GPC6: variants seen among roughly 807,000 people sequenced by gnomAD.
GPC6 encodes glypican 6, also known as glypican-6.
In GPC6, 14 loss-of-function variants were observed where a neutral mutation model predicts 55.2. The observed-to-expected ratio is 0.25, with a 90% CI of 0.17 to 0.40. The LOEUF is 0.40. Ranked by LOEUF, GPC6 falls within the 10% of genes least tolerant of loss-of-function variation. The probability of loss-of-function intolerance (pLI) is 1.00; values close to 1 mark genes in which losing one functional copy is unlikely to be tolerated. For synonymous variants in GPC6, 278 were observed against 259.6 expected, an observed-to-expected ratio of 1.07 and a Z score of -0.68; for missense variants, 641 against 708.5, an observed-to-expected ratio of 0.90 and a Z score of 1.08.
intron 1 of GPC6, among the ~76,000 whole-genome samples, chr13:93,354,700 C>T (rs551451105): frequency 6.6e-6 from 1 of 151,450 alleles, no homozygotes; most frequent in Non-Finnish European, 1.5e-5. Context: ...AAAATCCTAA[C>T]GTGTTATATG....
intron 4 of GPC6, among the ~76,000 whole-genome samples, chr13:94,099,460 T>C (rs1885776721): frequency 6.6e-6 from 1 of 152,140 alleles, no homozygotes; most frequent in Non-Finnish European, 1.5e-5. Flanking sequence ...AAGGTGTATA[T>C]AGGAGACTCT....
At chr13:93,277,211 C>T (rs9523990) in intron 1 of GPC6, among the ~76,000 whole-genome samples, 55,543 of 151,916 alleles carry the variant, frequency 0.37, 10,352 homozygotes, top group East Asian at 0.63. Context: ...ACGAACACAC[C>T]ACTGAGGTGA....
intron 3 of GPC6, among the ~76,000 whole-genome samples, chr13:93,878,289 G>A (rs1874717195): frequency 6.6e-6 from 1 of 152,150 alleles, no homozygotes; most frequent in Admixed American, 6.5e-5. Flanking sequence ...CACCCTCATG[G>A]ATGAGATTAT....
chr13:94,050,517 T>C (rs543859716), intron 4 of GPC6, among the ~76,000 whole-genome samples: 1 of 152,312 alleles, frequency 6.6e-6, no homozygotes, highest in East Asian at 1.9e-4. Context: ...ATTGTTCCAC[T>C]GTGCTGTTGT....
At chr13:93,816,775 A>G (rs937492937) in intron 2 of GPC6, among the ~76,000 whole-genome samples, 1 of 152,088 alleles carries the variant, frequency 6.6e-6, no homozygotes, top group African/African-American at 2.4e-5. Context: ...AATCGTTATT[A>G]TATATTTTGA....
intron 3 of GPC6, among the ~76,000 whole-genome samples, chr13:93,995,552 C>T (rs895637597): frequency 1.3e-5 from 2 of 152,078 alleles, no homozygotes; most frequent in Non-Finnish European, 2.9e-5. Context: ...CTGACCTTTC[C>T]CATACGTGTA....
chr13:93,636,876 T>C (rs1879723264), intron 2 of GPC6, among the ~76,000 whole-genome samples: 1 of 152,106 alleles, frequency 6.6e-6, no homozygotes, highest in Admixed American at 6.6e-5. Context: ...TATTTTAAAA[T>C]TGGACATCAC....
At chr13:94,244,256 G>A (rs750944813) in intron 4 of GPC6, among the ~76,000 whole-genome samples, 7 of 152,146 alleles carry the variant, frequency 4.6e-5, no homozygotes, top group African/African-American at 7.2e-5. Context: ...GGGCCAGCAC[G>A]TAACTCCGCA....
At chr13:93,608,383 A>C (rs1878332031) in intron 2 of GPC6, among the ~76,000 whole-genome samples, 2 of 152,212 alleles carry the variant, frequency 1.3e-5, no homozygotes. Flanking sequence ...AAAGTAAATA[A>C]TATGTGTTTA....
chr13:94,212,261 T>C (rs984701919), intron 4 of GPC6, among the ~76,000 whole-genome samples: 2 of 152,168 alleles, frequency 1.3e-5, no homozygotes, highest in South Asian at 2.1e-4. Flanking sequence ...CATCAATATA[T>C]ATGAGAAGCT....
At chr13:93,646,858 G>GAA in intron 2 of GPC6, among the ~76,000 whole-genome samples, 1 of 142,722 alleles carries the variant, frequency 7.0e-6, no homozygotes, top group South Asian at 2.2e-4. Flanking sequence ...ATCATGACAT[G>GAA]AAAAAAAAAA....
intron 2 of GPC6, among the ~76,000 whole-genome samples, chr13:93,607,399 G>C (rs1265339732): frequency 2.0e-5 from 3 of 152,220 alleles, no homozygotes; most frequent in Non-Finnish European, 4.4e-5. Flanking sequence ...TGCAGCAGCA[G>C]TAAACAATGC....
intron 2 of GPC6, among the ~76,000 whole-genome samples, chr13:93,569,174 A>G (rs570327270): frequency 6.6e-6 from 1 of 152,214 alleles, no homozygotes; most frequent in South Asian, 2.1e-4. Flanking sequence ...TGAACATGAT[A>G]TAATAGTCTT....
Position 93,965,075 on chromosome 13 carries a change from T to G in GPC6, c.712-62654T>G, listed in dbSNP as rs75481822. On this transcript the variant is annotated intron_variant, in intron 3 of 8. Coordinates refer to ENST00000377047, the MANE Select transcript of GPC6 (RefSeq NM_005708.5). Reference sequence around the variant, plus strand: ...ATTATGTTTTTGTAAATATATAAAGTTAGTAAGTATTTGGGAAACACTATG... The same window carrying G: ...ATTATGTTTTTGTAAATATATAAAGGTAGTAAGTATTTGGGAAACACTATG... Among the ~76,000 whole-genome samples, 810 of 150,834 alleles carry G rather than the reference T, an allele frequency of 5.4e-3. 12 individuals carry two copies. The highest frequency in any genetic ancestry group is 0.019 in the African/African-American group (772 of 40,858).
chr13:93,322,054 T>C (rs1225204895), intron 1 of GPC6, among the ~76,000 whole-genome samples: 1 of 152,206 alleles, frequency 6.6e-6, no homozygotes, highest in African/African-American at 2.4e-5. Context: ...TTTATACAAT[T>C]GTATAAAAAG....
chr13:93,962,476 A>T (rs1157928088), intron 3 of GPC6, among the ~76,000 whole-genome samples: 1 of 152,080 alleles, frequency 6.6e-6, no homozygotes, highest in Non-Finnish European at 1.5e-5. Context: ...TACTACTCCC[A>T]GTTCCTAACC....
intron 4 of GPC6, among the ~76,000 whole-genome samples, chr13:94,190,674 A>C (rs1377630229): frequency 6.6e-6 from 1 of 152,214 alleles, no homozygotes; most frequent in Non-Finnish European, 1.5e-5. Context: ...AATTTACTAA[A>C]GTTAATAACT....
chr13:93,802,616 G>T (rs1208268375), intron 2 of GPC6, among the ~76,000 whole-genome samples: 2 of 152,010 alleles, frequency 1.3e-5, no homozygotes, highest in African/African-American at 4.8e-5. Context: ...CATTGCCCAA[G>T]TTGGTCTTGA....
chr13:94,129,207 G>C (rs902693364), intron 4 of GPC6, among the ~76,000 whole-genome samples: 7 of 152,084 alleles, frequency 4.6e-5, no homozygotes, highest in African/African-American at 1.7e-4. Flanking sequence ...AGAAATCTCA[G>C]GGTTATCCTA....
Sources: gnomAD v4.1 joint callset for allele counts (sites outside exome capture counted in the v4.1 genomes callset) on GRCh38, gnomAD v4.1.1 for gene constraint, MANE v1.5 for transcripts, NCBI Gene and HGNC (gene_info 2026-07-23, HGNC 2026-07-21) for gene names.